KAZN: variants seen among roughly 807,000 people sequenced by gnomAD.
KAZN encodes the protein kazrin.
KAZN carries 40 observed loss-of-function variants against 87.4 expected under a neutral mutation model. The observed-to-expected ratio is 0.46, with a 90% CI of 0.36 to 0.60. The LOEUF is 0.60. KAZN is among the 20% of genes least tolerant of loss of function. The probability of loss-of-function intolerance (pLI) is 0.00; values close to 1 mark genes in which losing one functional copy is unlikely to be tolerated. For synonymous variants in KAZN, 466 were observed against 458.3 expected, an observed-to-expected ratio of 1.02 and a Z score of -0.22; for missense variants, 898 against 1,073.9, an observed-to-expected ratio of 0.84 and a Z score of 2.29.
At chr1:15,003,894 C>T (rs1388419931) in intron 2 of KAZN, among the ~76,000 whole-genome samples, 1 of 152,178 alleles carries the variant, frequency 6.6e-6, no homozygotes, top group Non-Finnish European at 1.5e-5. Flanking sequence ...TGTCCCCTGC[C>T]CACATACACA....
intron 8 of KAZN, among the ~76,000 whole-genome samples, chr1:15,079,686 C>T (rs1312558110): frequency 6.6e-6 from 1 of 152,152 alleles, no homozygotes; most frequent in Non-Finnish European, 1.5e-5. Context: ...ATGGGATCCA[C>T]CTTTCAGGGC....
chr1:15,022,790 C>T (rs1256009988), intron 2 of KAZN, among the ~76,000 whole-genome samples: 2 of 152,224 alleles, frequency 1.3e-5, no homozygotes, highest in Admixed American at 6.5e-5. Context: ...TCTAGGTCCC[C>T]GCTCATGCAC....
chr1:15,101,390 C>T (rs973709311), intron 10 of KAZN, among the ~76,000 whole-genome samples, 153 bp from the exon 11 acceptor site: 2 of 151,982 alleles, frequency 1.3e-5, no homozygotes, highest in Non-Finnish European at 2.9e-5. Context: ...TCTCTCGGCT[C>T]CATCCCTGTC....
intron 1 of KAZN, among the ~76,000 whole-genome samples, chr1:13,974,710 C>G (rs1638238902): frequency 1.3e-5 from 2 of 152,138 alleles, no homozygotes; most frequent in South Asian, 4.2e-4. Flanking sequence ...CCTGAGGAAG[C>G]AAAGGAAGCA....
chr1:14,050,047 CTG>C (rs34072674), intron 1 of KAZN, among the ~76,000 whole-genome samples: 5,089 of 149,312 alleles, frequency 0.034, 133 homozygotes, highest in Middle Eastern at 0.077. Context: ...GCACGTGTGT[CTG>C]TGTGGGTGTG....
At chr1:14,054,341 C>T (rs1642462565) in intron 1 of KAZN, among the ~76,000 whole-genome samples, 1 of 152,054 alleles carries the variant, frequency 6.6e-6, no homozygotes, top group Admixed American at 6.5e-5. Flanking sequence ...TATCTTGGGC[C>T]CCTGGCATGT....
chr1:14,837,985 G>A (rs1464485004), intron 1 of KAZN, among the ~76,000 whole-genome samples: 1 of 152,146 alleles, frequency 6.6e-6, no homozygotes, highest in African/African-American at 2.4e-5. Context: ...GTGCTAAATG[G>A]ACTGAGACTG....
intron 2 of KAZN, among the ~76,000 whole-genome samples, chr1:14,343,780 C>T (rs1313014630): frequency 6.6e-6 from 1 of 152,152 alleles, no homozygotes; most frequent in Non-Finnish European, 1.5e-5. Context: ...GCTTTAATTG[C>T]TTTTGAGACC....
chr1:15,110,348 A>G (rs1641511743), intron 13 of KAZN, among the ~76,000 whole-genome samples: 1 of 140,056 alleles, frequency 7.1e-6, no homozygotes, highest in Non-Finnish European at 1.5e-5. Context: ...ATATGTGTGT[A>G]TGTTTGTGTG....
At chr1:14,687,060 G>C (rs1170999287) in intron 1 of KAZN, among the ~76,000 whole-genome samples, 1 of 152,296 alleles carries the variant, frequency 6.6e-6, no homozygotes, top group East Asian at 1.9e-4. Context: ...GGGGGTGGCT[G>C]GTGTGCTGCA....
chr1:14,548,458 A>T (rs1673309497), intron 2 of KAZN, among the ~76,000 whole-genome samples: 1 of 152,118 alleles, frequency 6.6e-6, no homozygotes, highest in Non-Finnish European at 1.5e-5. Flanking sequence ...CTCTGCCTCC[A>T]AAAGTGCTGC....
intron 2 of KAZN, among the ~76,000 whole-genome samples, chr1:14,999,797 G>A (rs1292306641): frequency 6.6e-6 from 1 of 152,202 alleles, no homozygotes; most frequent in East Asian, 1.9e-4. Context: ...TGGGCACTCT[G>A]CCCTGGGCCT....
intron 1 of KAZN, among the ~76,000 whole-genome samples, chr1:14,021,683 C>T (rs1452053286): frequency 6.6e-6 from 1 of 152,144 alleles, no homozygotes; most frequent in Non-Finnish European, 1.5e-5. Flanking sequence ...AATGCCCAAA[C>T]ATTATTTTAT....
Position 14,349,874 on chromosome 1 carries a change from C to T in KAZN, c.249+169282C>T, listed in dbSNP as rs914890307. 3.3e-5 allele frequency among the ~76,000 whole-genome samples: 5 copies of T among 152,018 alleles called. No individual in the cohort carries two copies. In the East Asian group the frequency reaches 5.8e-4, roughly 18 times the overall value. ...ACAAGAGGCCCGGTGCGGTGGCTCA[C>T]GCCTGTAATCCCAGCACTTTGGGAG... On this transcript the variant is annotated intron_variant, in intron 2 of 16. Coordinates refer to the KAZN transcript ENST00000636203.
At chr1:14,611,959 A>G (rs928879891) in intron 1 of KAZN, among the ~76,000 whole-genome samples, 5 of 152,218 alleles carry the variant, frequency 3.3e-5, no homozygotes, top group Admixed American at 2.6e-4. Context: ...GACAACATAT[A>G]AATAAATGGG....
intron 13 of KAZN, among the ~76,000 whole-genome samples, chr1:15,110,523 ATG>A (rs1342397435): frequency 2.5e-4 from 30 of 120,838 alleles, no homozygotes; most frequent in Non-Finnish European, 3.6e-4. Flanking sequence ...GTTTGTGTGT[ATG>A]TGTTTGTGTG....
chr1:14,836,481 G>A (rs1040769447), intron 1 of KAZN, among the ~76,000 whole-genome samples: 2 of 152,188 alleles, frequency 1.3e-5, no homozygotes, highest in African/African-American at 4.8e-5. Context: ...GCTAAAGAGT[G>A]ACAGAGGTTC....
chr1:13,957,806 C>G (rs1641601365), intron 1 of KAZN, among the ~76,000 whole-genome samples: 2 of 152,016 alleles, frequency 1.3e-5, no homozygotes, highest in African/African-American at 4.8e-5. Context: ...ACTCCATGAC[C>G]CAAACACCTC....
Position 14,374,020 on chromosome 1 carries a change from G to A in KAZN, c.249+193428G>A, listed in dbSNP as rs890331635. ...ACCATGTGCACATATTTAGTTCTTC[G>A]TGGTAGTTACTGACGTTCATGTCCA... On this transcript the variant is annotated intron_variant, in intron 2 of 16. Transcript: ENST00000636203. Among the ~76,000 whole-genome samples the A allele has an allele frequency of 4.6e-5, 7 of 152,140 alleles. No individual in the cohort carries two copies. The East Asian group carries it at 5.8e-4, about 13-fold the overall frequency.
Sources: gnomAD v4.1 joint callset for allele counts (sites outside exome capture counted in the v4.1 genomes callset) on GRCh38, gnomAD v4.1.1 for gene constraint, MANE v1.5 for transcripts, NCBI Gene and HGNC (gene_info 2026-07-23, HGNC 2026-07-21) for gene names.